The following LRFN2 variants were observed in gnomAD, a reference collection of about 807,000 sequenced individuals.
LRFN2 encodes leucine rich repeat and fibronectin type III domain containing 2, also known as leucine-rich repeat and fibronectin type-III domain-containing protein 2.
In LRFN2, 18 loss-of-function variants were observed where a neutral mutation model predicts 37.3. The ratio of observed to expected loss-of-function variants is 0.48; its 90% CI spans 0.33 to 0.72. The LOEUF (loss-of-function observed/expected upper bound fraction) is 0.72. LRFN2 is among the 30% of genes least tolerant of loss of function. The pLI, the probability that LRFN2 is intolerant of heterozygous loss-of-function variation, is 0.02. For synonymous variants in LRFN2, 556 were observed against 466.6 expected (o/e 1.19, Z -2.47); for missense variants, 1,006 against 1,060.7 (o/e 0.95, Z 0.72).
intron 2 of LRFN2, among the ~76,000 whole-genome samples, chr6:40,418,575 C>G (rs977360517): frequency 6.6e-6 from 1 of 152,090 alleles, no homozygotes. Flanking sequence ...CAGAGTTTTC[C>G]TCACCCCAGG....
chr6:40,545,254 A>C (rs1206703485), intron 1 of LRFN2, among the ~76,000 whole-genome samples: 2 of 152,220 alleles, frequency 1.3e-5, no homozygotes, highest in Non-Finnish European at 2.9e-5. Context: ...AGAACTGAGC[A>C]GTTATAAACT....
chr6:40,464,006 C>T (rs1764404162), intron 1 of LRFN2, among the ~76,000 whole-genome samples: 1 of 152,190 alleles, frequency 6.6e-6, no homozygotes, highest in East Asian at 1.9e-4. Context: ...CTCCTAATGT[C>T]CTTCAGTGTT....
chr6:40,460,569 A>G (rs1444323773), intron 1 of LRFN2, among the ~76,000 whole-genome samples: 2 of 152,238 alleles, frequency 1.3e-5, no homozygotes, highest in Non-Finnish European at 1.5e-5. Context: ...GCAAATTGCC[A>G]TAATAAATGC....
chr6:40,475,020 T>C (rs1311461422), intron 1 of LRFN2, among the ~76,000 whole-genome samples: 1 of 152,112 alleles, frequency 6.6e-6, no homozygotes, highest in Non-Finnish European at 1.5e-5. Context: ...CCAGCCACAC[T>C]CACTCTTATG....
At chr6:40,520,981 G>C (rs1766047073) in intron 1 of LRFN2, among the ~76,000 whole-genome samples, 1 of 152,190 alleles carries the variant, frequency 6.6e-6, no homozygotes, top group South Asian at 2.1e-4. Flanking sequence ...AAACAGGCCA[G>C]GCGGGAGAAG....
At chr6:40,463,850 G>A (rs555177843) in intron 1 of LRFN2, among the ~76,000 whole-genome samples, 46 of 151,808 alleles carry the variant, frequency 3.0e-4, no homozygotes, top group African/African-American at 1.1e-3. Flanking sequence ...CTAAATTTTT[G>A]TATTTTTTGT....
chr6:40,512,037 C>T (rs1765723393), intron 1 of LRFN2, among the ~76,000 whole-genome samples: 1 of 152,224 alleles, frequency 6.6e-6, no homozygotes. Flanking sequence ...CACAGAACTC[C>T]TGAGGCTGAA....
intron 2 of LRFN2, among the ~76,000 whole-genome samples, chr6:40,408,672 AG>A (rs961435060): frequency 1.4e-3 from 218 of 152,326 alleles, no homozygotes; most frequent in African/African-American, 4.9e-3. Context: ...TCAGTTAAAT[AG>A]GAACACTAGT....
At chr6:40,585,150 G>A (rs182016411) in intron 1 of LRFN2, among the ~76,000 whole-genome samples, 105 of 152,332 alleles carry the variant, frequency 6.9e-4, no homozygotes, top group Non-Finnish European at 2.9e-4. Flanking sequence ...GGAACTGGGA[G>A]CCAACCTTCC....
At chr6:40,445,016 C>A (rs889447710) in intron 1 of LRFN2, among the ~76,000 whole-genome samples, 6 of 152,086 alleles carry the variant, frequency 3.9e-5, no homozygotes, top group Non-Finnish European at 5.9e-5. Context: ...CTCACCCCCC[C>A]AGGGACCTGC....
chr6:40,571,857 A>T (rs1326953395), intron 1 of LRFN2, among the ~76,000 whole-genome samples: 2 of 152,224 alleles, frequency 1.3e-5, no homozygotes, highest in East Asian at 3.9e-4. Context: ...CCAGACTCCC[A>T]GCCTGGTGCT....
At chr6:40,530,829 G>T (rs1455299014) in intron 1 of LRFN2, among the ~76,000 whole-genome samples, 1 of 152,056 alleles carries the variant, frequency 6.6e-6, no homozygotes, top group Non-Finnish European at 1.5e-5. Context: ...AGGCACCTTG[G>T]CCTCATCCAA....
chr6:40,514,955 C>G (rs1365636329), intron 1 of LRFN2, among the ~76,000 whole-genome samples: 3 of 152,204 alleles, frequency 2.0e-5, no homozygotes, highest in Non-Finnish European at 4.4e-5. Flanking sequence ...TCAGCAGTAG[C>G]CACCACCCTG....
chr6:40,471,900 G>C (rs557997072), intron 1 of LRFN2, among the ~76,000 whole-genome samples: 1 of 152,174 alleles, frequency 6.6e-6, no homozygotes, highest in Non-Finnish European at 1.5e-5. Context: ...GAGGGTGCCT[G>C]AGTGCCCAGA....
intron 1 of LRFN2, among the ~76,000 whole-genome samples, chr6:40,469,018 A>G (rs748234): frequency 0.026 from 3,965 of 152,308 alleles, 133 homozygotes; most frequent in African/African-American, 0.072. Context: ...ATCTAAAAAA[A>G]GGGTATTTCC....
chr6:40,408,365 C>G (rs554164371), intron 2 of LRFN2, among the ~76,000 whole-genome samples: 1 of 152,264 alleles, frequency 6.6e-6, no homozygotes, highest in South Asian at 2.1e-4. Flanking sequence ...CAGTCACCCT[C>G]GGCAGGGGCT....
chr6:40,396,305 C>T (rs1762612896), intron 2 of LRFN2, among the ~76,000 whole-genome samples: 1 of 152,158 alleles, frequency 6.6e-6, no homozygotes, highest in Admixed American at 6.5e-5. Flanking sequence ...GGATTTAAAT[C>T]AGGCAGTTTG....
At chr6:40,398,048 G>A (rs1015901264) in intron 2 of LRFN2, among the ~76,000 whole-genome samples, 5 of 151,956 alleles carry the variant, frequency 3.3e-5, no homozygotes, top group African/African-American at 7.2e-5. Flanking sequence ...GGGGAAAATC[G>A]AAGCTGCTCC....
At chr6:40,521,370 G>A (rs761195443) in intron 1 of LRFN2, among the ~76,000 whole-genome samples, 1 of 152,200 alleles carries the variant, frequency 6.6e-6, no homozygotes, top group African/African-American at 2.4e-5. Flanking sequence ...TGAGGCTGGG[G>A]GCTGGAGGAG....
Sources: allele counts gnomAD v4.1 joint callset (sites outside exome capture counted in the v4.1 genomes callset), GRCh38; gene constraint gnomAD v4.1.1; transcripts MANE v1.5; gene names NCBI Gene and HGNC (gene_info 2026-07-23, HGNC 2026-07-21).